The following DOCK11 variants were observed in gnomAD, a reference collection of about 807,000 sequenced individuals.
The protein encoded by DOCK11 is dedicator of cytokinesis 11.
In DOCK11, 70 loss-of-function variants were observed where a neutral mutation model predicts 169.1. The ratio of observed to expected loss-of-function variants is 0.41; its 90% CI spans 0.34 to 0.51. The LOEUF (loss-of-function observed/expected upper bound fraction) is 0.51. Ranked by LOEUF, DOCK11 falls within the 20% of genes least tolerant of loss-of-function variation. The pLI is 0.10. For synonymous variants in DOCK11, 529 were observed against 541.3 expected, an observed-to-expected ratio of 0.98 and a Z score of 0.32; for missense variants, 1,166 against 1,538.8, an observed-to-expected ratio of 0.76 and a Z score of 4.05.
At chrX:118,604,468 C>T (rs1019453416) in intron 23 of DOCK11, among the ~76,000 whole-genome samples, 1 of 106,749 alleles carries the variant, frequency 9.4e-6, no homozygotes. Flanking sequence ...CTCTATTTCC[C>T]CTAGCACTAC....
intron 1 of DOCK11, among the ~76,000 whole-genome samples, chrX:118,499,529 G>A (rs746059969): frequency 5.1e-4 from 57 of 111,822 alleles, no homozygotes; most frequent in African/African-American, 1.8e-3. Context: ...CCCCCAACCC[G>A]CCGCTCACAA....
intron 10 of DOCK11, among the ~76,000 whole-genome samples, chrX:118,570,659 G>A (rs895540731): frequency 1.8e-5 from 2 of 111,901 alleles, no homozygotes; most frequent in African/African-American, 6.5e-5. Flanking sequence ...GAATTACTTA[G>A]GTAATTGAGA....
chrX:118,531,322 G>T (rs2011546898), intron 1 of DOCK11, among the ~76,000 whole-genome samples: 1 of 100,611 alleles, frequency 9.9e-6, no homozygotes, highest in Non-Finnish European at 2.0e-5. Flanking sequence ...AGGTATGGTG[G>T]TGGATGACTG....
At chrX:118,566,553 C>G in intron 8 of DOCK11, 21 bp from the exon 9 acceptor site, 1 of 1,201,723 alleles carries the variant, frequency 8.3e-7, no homozygotes, top group Non-Finnish European at 1.1e-6. Flanking sequence ...TTTAGAACAT[C>G]TGCTTTTAAT....
chrX:118,619,497 A>ATAT (rs1247643709), intron 31 of DOCK11, among the ~76,000 whole-genome samples: 2 of 90,849 alleles, frequency 2.2e-5, no homozygotes, highest in African/African-American at 8.3e-5. Context: ...AAAAAAAAAA[A>ATAT]ATATATATAT....
chrX:118,608,295 C>T lies in DOCK11; in HGVS notation c.2816C>T (p.Thr939Ile). ...QAQLIHETLA[T>I]TMIAILKQSA... is the part of the protein sequence containing the mutation. ...CAGCTGATACATGAAACCCTGGCTA[C>T]TACGATGATAGCAATATTGAAACAG... The change falls in exon 26 of 53, where the codon ACT (threonine) becomes ATT (isoleucine). Residue 939 changes from threonine to isoleucine, a missense_variant. Physicochemically the swap from Thr to Ile is moderately conservative, Grantham distance 89. Coordinates refer to ENST00000276202, the MANE Select transcript of DOCK11 (RefSeq NM_144658.4). 8.3e-7 allele frequency: 1 copy of T among 1,211,031 alleles called. No homozygotes were observed.
At chrX:118,682,573 C>G (rs984850792) in intron 51 of DOCK11, among the ~76,000 whole-genome samples, 1 of 111,707 alleles carries the variant, frequency 9.0e-6, no homozygotes, top group Non-Finnish European at 1.9e-5. Context: ...GACCTACACT[C>G]TAATTGTGGA....
At chrX:118,651,284 A>C (rs1039671498) in intron 41 of DOCK11, among the ~76,000 whole-genome samples, 14 of 111,378 alleles carry the variant, frequency 1.3e-4, no homozygotes, top group African/African-American at 4.2e-4. Flanking sequence ...AATATAAAAA[A>C]TTAGTTAGGT....
At chrX:118,683,307 C>G (rs1428840000) in intron 52 of DOCK11, 90 bp downstream of exon 52, 2 of 943,286 alleles carry the variant, frequency 2.1e-6, no homozygotes, top group Admixed American at 6.5e-5. Flanking sequence ...AATGCACAAC[C>G]TTAAAGTTAT....
At chrX:118,571,128 C>T (rs1018218464) in intron 10 of DOCK11, among the ~76,000 whole-genome samples, 4 of 110,323 alleles carry the variant, frequency 3.6e-5, no homozygotes, top group African/African-American at 1.3e-4. Context: ...CCTTTTGTGC[C>T]TCTCAACCTA....
chrX:118,649,223 G>A (rs1468932135), intron 41 of DOCK11, 96 bp downstream of exon 41: 11 of 680,824 alleles, frequency 1.6e-5, no homozygotes, highest in Admixed American at 1.1e-4. Flanking sequence ...CCAATACAAT[G>A]TGGCCATCTA....
chrX:118,615,964 T>C (rs1470074264), intron 30 of DOCK11, among the ~76,000 whole-genome samples: 1 of 112,038 alleles, frequency 8.9e-6, no homozygotes, highest in Admixed American at 9.5e-5. Flanking sequence ...AATTACTTTC[T>C]GTAGTAGTGT....
At chrX:118,561,296 A>G in intron 6 of DOCK11, 87 bp from the exon 7 acceptor site, 4 of 947,152 alleles carry the variant, frequency 4.2e-6, no homozygotes, top group Non-Finnish European at 5.6e-6. Context: ...ATTGCCTGGC[A>G]AGCTTTTGAG....
At chrX:118,612,645 G>C (rs1479149138) in intron 28 of DOCK11, among the ~76,000 whole-genome samples, 1 of 111,914 alleles carries the variant, frequency 8.9e-6, no homozygotes. Flanking sequence ...AAGGGAGAGA[G>C]AGATTATGAC....
intron 12 of DOCK11, 94 bp downstream of exon 12, chrX:118,574,112 G>A: frequency 1.1e-6 from 1 of 924,959 alleles, no homozygotes; most frequent in Non-Finnish European, 1.5e-6. Context: ...TGTTTTCATG[G>A]CATTCTCTCT....
In DOCK11 at chrX:118,564,538, T is replaced by C. The variant is rs191301546; in HGVS notation, c.694-1467T>C. On this transcript the variant is annotated intron_variant, in intron 7 of 52. Transcript: ENST00000276202. ...ACTTATTTTCCTTGTGTGGTGGTAT[T>C]CAGCACAGGTTACTTCCATGTATTT... Among the ~76,000 whole-genome samples the C allele has an allele frequency of 2.3e-4, 26 of 112,240 alleles. No homozygotes were observed. In the East Asian group the frequency reaches 6.2e-3, roughly 27 times the overall value.
At chrX:118,620,095 C>T (rs908501396) in intron 31 of DOCK11, among the ~76,000 whole-genome samples, 2 of 111,115 alleles carry the variant, frequency 1.8e-5, no homozygotes, top group East Asian at 2.8e-4. Context: ...GGATTACAGG[C>T]GTGAGCCACC....
intron 1 of DOCK11, among the ~76,000 whole-genome samples, chrX:118,504,561 A>C (rs779540164): frequency 1.8e-5 from 2 of 112,320 alleles, no homozygotes; most frequent in East Asian, 5.6e-4. Flanking sequence ...AAAGACGATT[A>C]GTTTTTAAAA....
chrX:118,566,175 A>C lies in DOCK11; in HGVS notation c.864A>C (p.Thr288=). 1 of 1,195,300 alleles carries C rather than the reference A, an allele frequency of 8.4e-7. No individual in the cohort carries two copies. Among genetic ancestry groups the C allele is most frequent in the South Asian group, 1.8e-5 (1 of 54,468 alleles). ...AAGAAAAAAAGGAGACGGTAGAAACAGCACAAGGTCAGAATTTTAAAGTGA... is the reference window on the plus strand; with the variant it reads ...AAGAAAAAAAGGAGACGGTAGAAACCGCACAAGGTCAGAATTTTAAAGTGA... ...LVQEKKETVE[T]AQDDETSSQG... is the part of the protein sequence containing the mutation. Residue 288 remains threonine (T), a synonymous_variant, in exon 8 of 53, where the codon ACA becomes ACC. Transcript: ENST00000276202.
Sources: allele counts gnomAD v4.1 joint callset (sites outside exome capture counted in the v4.1 genomes callset), GRCh38; gene constraint gnomAD v4.1.1; transcripts MANE v1.5; gene names NCBI Gene and HGNC (gene_info 2026-07-23, HGNC 2026-07-21).